Variants in OTUD7A observed in about 807,000 individuals in gnomAD.
OTUD7A encodes the protein OTU domain-containing protein 7A.
Under a neutral mutation model 65.7 loss-of-function variants are expected in OTUD7A, and 12 were observed. The observed-to-expected ratio is 0.18, with a 90% CI of 0.12 to 0.30. The LOEUF is 0.30. OTUD7A is among the 10% of genes least tolerant of loss of function. OTUD7A has a pLI of 1.00. For missense variants in OTUD7A, 1,148 were observed against 1,304.8 expected (o/e 0.88, Z 1.85); for synonymous variants, 641 against 586.3 (o/e 1.09, Z -1.35).
At chr15:31,654,507 C>T (rs947111767) in intron 3 of OTUD7A, among the ~76,000 whole-genome samples, 3 of 152,166 alleles carry the variant, frequency 2.0e-5, no homozygotes, top group Non-Finnish European at 4.4e-5. Flanking sequence ...ACAAAGTTCT[C>T]TCCTCTCACA....
At chr15:31,735,133 T>C (rs1595735028) in intron 1 of OTUD7A, among the ~76,000 whole-genome samples, 1 of 152,280 alleles carries the variant, frequency 6.6e-6, no homozygotes, top group East Asian at 1.9e-4. Flanking sequence ...TCAACAATCA[T>C]ATGAATAAAA....
At chr15:31,638,856 C>A (rs1018507168) in intron 3 of OTUD7A, among the ~76,000 whole-genome samples, 2 of 152,130 alleles carry the variant, frequency 1.3e-5, no homozygotes, top group African/African-American at 4.8e-5. Flanking sequence ...TTCCTCAGGC[C>A]AGGTGCGGTC....
chr15:31,644,872 T>C (rs1891616493), intron 3 of OTUD7A, among the ~76,000 whole-genome samples: 2 of 152,228 alleles, frequency 1.3e-5, no homozygotes, highest in Admixed American at 6.5e-5. Context: ...GCCTGGCTGG[T>C]GAGCACAGGC....
At chr15:31,756,452 G>T (rs893243537) in intron 1 of OTUD7A, among the ~76,000 whole-genome samples, 1 of 152,146 alleles carries the variant, frequency 6.6e-6, no homozygotes, top group African/African-American at 2.4e-5. Context: ...CCCAGAGAAG[G>T]CCATAAAGTC....
At chr15:31,827,991 C>A (rs957468193) in intron 1 of OTUD7A, among the ~76,000 whole-genome samples, 4 of 151,618 alleles carry the variant, frequency 2.6e-5, no homozygotes, top group African/African-American at 9.7e-5. Context: ...TTTGTGTGGT[C>A]CTATCCTGTC....
At chr15:31,850,315 A>C (rs1456644439) in intron 1 of OTUD7A, among the ~76,000 whole-genome samples, 1 of 152,124 alleles carries the variant, frequency 6.6e-6, no homozygotes, top group African/African-American at 2.4e-5. Flanking sequence ...CAAGGACAGA[A>C]AACCAAACAC....
chr15:31,622,063 C>A (rs1354973566), intron 3 of OTUD7A, among the ~76,000 whole-genome samples: 1 of 152,056 alleles, frequency 6.6e-6, no homozygotes, highest in African/African-American at 2.4e-5. Flanking sequence ...GTTGAAAATT[C>A]TTTTCTTTAA....
At chr15:31,561,917 A>G (rs1034875068) in intron 4 of OTUD7A, among the ~76,000 whole-genome samples, 1 of 152,246 alleles carries the variant, frequency 6.6e-6, no homozygotes, top group Non-Finnish European at 1.5e-5. Flanking sequence ...ATACAGAAAG[A>G]TTAGAAAACA....
At chr15:31,715,134 A>AC (rs1285999213) in intron 1 of OTUD7A, among the ~76,000 whole-genome samples, 2 of 152,040 alleles carry the variant, frequency 1.3e-5, no homozygotes, top group African/African-American at 4.8e-5. Context: ...TCTGTCTCAA[A>AC]AAAACAAAAC....
chr15:31,605,885 G>C (rs1318906852), intron 3 of OTUD7A, among the ~76,000 whole-genome samples: 2 of 152,204 alleles, frequency 1.3e-5, no homozygotes, highest in Admixed American at 6.5e-5. Flanking sequence ...GACAGGGAGT[G>C]ACAAAGGACA....
chr15:31,782,785 T>C (rs16955896), intron 1 of OTUD7A, among the ~76,000 whole-genome samples: 3,671 of 152,202 alleles, frequency 0.024, 173 homozygotes, highest in African/African-American at 0.082. Flanking sequence ...TATCTCAGTA[T>C]TAAAGATGCC....
At position 31,484,023 on chromosome 15, in the gene OTUD7A, G is replaced by GGCAGCGGCGGCC. The variant is rs1555388799; in HGVS notation, c.2072_2073insGGCCGCCGCTGC (p.Ala693_Ala696dup). 253 of 1,227,834 alleles carry GGCAGCGGCGGCC rather than the reference G, an allele frequency of 2.1e-4. No individual in the cohort carries two copies. The highest frequency in any genetic ancestry group is 2.5e-4 in the Non-Finnish European group (249 of 987,964). The allele number at this position is 1,227,834 out of a possible 1,614,324, so 76.1% of individuals were successfully genotyped here. ...GCTTGGCCGTGGCGGCGGCGGCGGC[G>GGCAGCGGCGGCC]GCGGCAGCGGCGGCCGCAGTAGCGG... On this transcript the variant is annotated inframe_insertion, in exon 13 of 13. Transcript: ENST00000307050. The surrounding 1 kb of genome is among the most constrained non-coding windows in gnomAD (Gnocchi z 4.5).
chr15:31,536,606 T>A (rs546715303), intron 5 of OTUD7A, among the ~76,000 whole-genome samples: 80 of 152,232 alleles, frequency 5.3e-4, no homozygotes, highest in Non-Finnish European at 9.7e-4. Context: ...CTACATTCCA[T>A]CTGTCAATGG....
At chr15:31,633,825 C>T (rs1271922311) in intron 3 of OTUD7A, among the ~76,000 whole-genome samples, 1 of 152,212 alleles carries the variant, frequency 6.6e-6, no homozygotes, top group East Asian at 1.9e-4. Context: ...ATCTATCTTG[C>T]TCCCCACCCG....
At chr15:31,531,937 A>G (rs147021710) in intron 5 of OTUD7A, among the ~76,000 whole-genome samples, 50 of 152,324 alleles carry the variant, frequency 3.3e-4, no homozygotes, top group Non-Finnish European at 6.2e-4. Context: ...CCTGCCAAGA[A>G]GTACCAAGCC....
At chr15:31,671,825 T>A (rs1892491387) in intron 1 of OTUD7A, among the ~76,000 whole-genome samples, 1 of 152,230 alleles carries the variant, frequency 6.6e-6, no homozygotes, top group South Asian at 2.1e-4. Context: ...ATACGTAAAC[T>A]GCATGTCATG....
intron 1 of OTUD7A, among the ~76,000 whole-genome samples, chr15:31,852,977 G>A (rs1303256928): frequency 6.6e-6 from 1 of 152,184 alleles, no homozygotes; most frequent in Non-Finnish European, 1.5e-5. Context: ...AGGAGGTGGG[G>A]AAGAGTGGGG....
intron 1 of OTUD7A, chr15:31,787,779 C>T (rs1459182417): frequency 6.6e-6 from 1 of 152,180 alleles, no homozygotes; most frequent in East Asian, 1.9e-4. Flanking sequence ...AGTGCAAACT[C>T]CTTTCAATGA....
chr15:31,659,496 G>A (rs550603865), intron 1 of OTUD7A, among the ~76,000 whole-genome samples: 25 of 152,346 alleles, frequency 1.6e-4, no homozygotes, highest in Non-Finnish European at 3.1e-4. Context: ...CTCAGGAATC[G>A]ACATAAACAA....
Sources: gnomAD v4.1 joint callset for allele counts (sites outside exome capture counted in the v4.1 genomes callset) on GRCh38, gnomAD v4.1.1 for gene constraint, Gnocchi (gnomAD v3.1) non-coding constraint, MANE v1.5 for transcripts, NCBI Gene and HGNC (gene_info 2026-07-23, HGNC 2026-07-21) for gene names.